Variants in PCDHA3 observed in about 807,000 individuals in gnomAD.
PCDHA3 encodes protocadherin alpha 3, also known as protocadherin alpha-3.
A neutral mutation model predicts 62.2 loss-of-function variants in PCDHA3; 41 were observed. The observed-to-expected ratio is 0.66, with a 90% CI of 0.51 to 0.86. The LOEUF is 0.86. Among genes scored for constraint, PCDHA3 ranks in the 40% least tolerant of loss-of-function variants. The probability of loss-of-function intolerance (pLI) is 0.00; values close to 1 mark genes in which losing one functional copy is unlikely to be tolerated. For synonymous variants in PCDHA3, 640 were observed against 555.4 expected, an observed-to-expected ratio of 1.15 and a Z score of -2.14; for missense variants, 1,304 against 1,241.2, an observed-to-expected ratio of 1.05 and a Z score of -0.76.
chr5:140,884,497 C>T, intron 1 of PCDHA3: 1 of 1,614,042 alleles, frequency 6.2e-7, no homozygotes, highest in Non-Finnish European at 8.5e-7. Flanking sequence ...TGTGCTCCAG[C>T]GCGGCAGGGA....
intron 1 of PCDHA3, chr5:140,822,362 G>A (rs2150115784): frequency 6.2e-7 from 1 of 1,614,122 alleles, no homozygotes; most frequent in Non-Finnish European, 8.5e-7. Context: ...CTGGTTTTGA[G>A]GAAATCCTTA....
chr5:140,858,881 T>A (rs1466953448), intron 1 of PCDHA3: 7 of 242,834 alleles, frequency 2.9e-5, no homozygotes, highest in Non-Finnish European at 5.6e-5. Flanking sequence ...TTTTCCTCCA[T>A]GTGTAGAATA....
At position 140,869,261 on chromosome 5, in the gene PCDHA3, G is replaced by A. The variant is rs782291113; in HGVS notation, c.2394+65670G>A. 3 of 1,613,572 alleles carry A rather than the reference G, an allele frequency of 1.9e-6. No individual in the cohort carries two copies. In the Admixed American group the frequency reaches 5.0e-5, roughly 27 times the overall value. On this transcript the variant is annotated intron_variant, in intron 1 of 3. Transcript: ENST00000522353. ...GTGGGCCGCATCGCGCAGGACCTGG[G>A]GCTGGAGCTGGCGGAGCTGGTGCAG...
rs10602499 is a variant in PCDHA3 at position 140,992,017 on chromosome 5, C to CTGTGTGTGTG, written c.2542+9482_2542+9491dup. Among the ~76,000 whole-genome samples, 121 of 145,620 alleles carry CTGTGTGTGTG rather than the reference C, an allele frequency of 8.3e-4. 2 individuals are homozygous for CTGTGTGTGTG. The highest frequency in any genetic ancestry group is 3.5e-3 in the Middle Eastern group (1 of 288). ...CTTTCATGTTCAGGCAGAGGTGGCT[C>CTGTGTGTGTG]TGTGTGTGTGTGTGTGTGTGTGTGT... On this transcript the variant is annotated intron_variant, in intron 3 of 3. Transcript: ENST00000522353.
chr5:140,807,102 G>A (rs1020956208), intron 1 of PCDHA3: 3 of 1,423,066 alleles, frequency 2.1e-6, no homozygotes, highest in African/African-American at 1.4e-5. Context: ...TATGGAGGAT[G>A]CAGCTGCACT....
In PCDHA3 at chr5:140,850,310, G is replaced by A. The variant is rs2150478968; in HGVS notation, c.2394+46719G>A. The stretch of plus-strand genomic sequence containing the variant: ...TGGACGCCGACTCGGGCTACAACGC[G>A]TGGCTTTCATACGAGCTGCAGCCAG... On this transcript the variant is annotated intron_variant, in intron 1 of 3. Transcript: ENST00000522353. The A allele has an allele frequency of 1.0e-5, 16 of 1,597,212 alleles. 1 individual carries two copies. Among genetic ancestry groups the A allele is most frequent in the Non-Finnish European group, 1.4e-5 (16 of 1,167,678 alleles).
At chr5:140,842,599 C>T (rs1460884024) in intron 1 of PCDHA3, 3 of 1,595,874 alleles carry the variant, frequency 1.9e-6, no homozygotes, top group African/African-American at 1.3e-5. Flanking sequence ...TGGTGGTAAC[C>T]GCGCGGGACG....
At chr5:140,850,654 T>G in intron 1 of PCDHA3, 1 of 1,598,638 alleles carries the variant, frequency 6.3e-7, no homozygotes, top group Non-Finnish European at 8.6e-7. Flanking sequence ...CTGTACACTG[T>G]GCTGCGGTGC....
At position 140,822,373 on chromosome 5, in the gene PCDHA3, G is replaced by A. The variant is rs2150115829; in HGVS notation, c.2394+18782G>A. 3 of 1,614,112 alleles carry A rather than the reference G, an allele frequency of 1.9e-6. No individual in the cohort carries two copies. Among genetic ancestry groups the A allele is most frequent in the Admixed American group, 3.3e-5 (2 of 60,034 alleles). ...AGAGCTGGTTTTGAGGAAATCCTTA[G>A]ATAGAGAAGAAACACAAGAACACCG... On this transcript the variant is annotated intron_variant, in intron 1 of 3. Transcript: ENST00000522353.
chr5:140,923,885 AGAG>A (rs1190900836), intron 1 of PCDHA3, among the ~76,000 whole-genome samples: 7 of 152,210 alleles, frequency 4.6e-5, no homozygotes, highest in Non-Finnish European at 8.8e-5. Flanking sequence ...AGCGTGTGAA[AGAG>A]GAGGAGTTTC....
chr5:140,938,118 T>G (rs1554211986), intron 1 of PCDHA3, among the ~76,000 whole-genome samples: 1 of 152,178 alleles, frequency 6.6e-6, no homozygotes. Context: ...TCTCTCTTTT[T>G]TTAAAAAAAT....
intron 1 of PCDHA3, chr5:140,850,815 C>T: frequency 6.3e-7 from 1 of 1,598,236 alleles, no homozygotes; most frequent in Non-Finnish European, 8.6e-7. Context: ...GGCCTTCAGC[C>T]CGGGCCTTTC....
intron 1 of PCDHA3, chr5:140,870,584 T>A (rs782563992): frequency 1.1e-5 from 18 of 1,613,672 alleles, no homozygotes; most frequent in Non-Finnish European, 1.3e-5. Flanking sequence ...TACTCGCTGG[T>A]GGAGCGGCGG....
intron 1 of PCDHA3, among the ~76,000 whole-genome samples, chr5:140,839,661 T>C (rs1554137540): frequency 1.3e-5 from 2 of 152,120 alleles, no homozygotes; most frequent in African/African-American, 4.8e-5. Context: ...TGTTTGCTAC[T>C]ATTTAGAGTC....
chr5:140,842,555 G>C, intron 1 of PCDHA3: 2 of 1,465,934 alleles, frequency 1.4e-6, no homozygotes, highest in Non-Finnish European at 1.9e-6. Flanking sequence ...GCTGGACAGC[G>C]CCCTGGACCG....
chr5:140,836,501 G>T (rs2150262509), intron 1 of PCDHA3: 1 of 1,613,864 alleles, frequency 6.2e-7, no homozygotes, highest in Admixed American at 1.7e-5. Context: ...CCATCTGCGC[G>T]GTGTCCAGTC....
rs1301631971 is a variant in PCDHA3, at chr5:141,011,367, C to G, written c.*1430C>G. ...CAATCTCCCATATGTATGCTGTATG[C>G]TATGCTAAGACTCCTGAAATATACT... On this transcript the variant is annotated 3_prime_UTR_variant, in exon 4 of 4. Transcript: ENST00000522353. The G allele has an allele frequency of 1.3e-5, 2 of 153,830 alleles. No homozygotes were observed. The highest frequency in any genetic ancestry group is 1.3e-4 in the Admixed American group (2 of 15,298). 9.5% of individuals were successfully genotyped at this position (153,830 alleles called of 1,614,324 possible). A position where few individuals can be genotyped will look rare whatever the true frequency, so the allele number is the denominator to read the frequency against.
At chr5:140,975,899 G>A (rs2096688066) in intron 1 of PCDHA3, among the ~76,000 whole-genome samples, 1 of 152,084 alleles carries the variant, frequency 6.6e-6, no homozygotes, top group African/African-American at 2.4e-5. Context: ...ATGGAGTTTT[G>A]TGACCATTAT....
At chr5:140,877,631 C>A (rs1220029307) in intron 1 of PCDHA3, 2 of 1,613,768 alleles carry the variant, frequency 1.2e-6, no homozygotes, top group South Asian at 1.1e-5. Flanking sequence ...CTGTACACTG[C>A]GCTGCGTTGC....
Sources: allele counts gnomAD v4.1 joint callset (sites outside exome capture counted in the v4.1 genomes callset), GRCh38; gene constraint gnomAD v4.1.1; transcripts MANE v1.5; gene names NCBI Gene and HGNC (gene_info 2026-07-23, HGNC 2026-07-21).